Variants in DNAH12 observed in about 807,000 individuals in gnomAD.
DNAH12 encodes axonemal beta dynein heavy chain 12.
In DNAH12, 285 loss-of-function variants were observed where a neutral mutation model predicts 371.5. That is an observed-to-expected ratio of 0.77 (90% CI 0.70 to 0.85). The LOEUF is 0.85. DNAH12 is among the 40% of genes least tolerant of loss of function. DNAH12 has a pLI of 0.00. For missense variants in DNAH12, 3,611 were observed against 3,689.4 expected (o/e 0.98, Z 0.55); for synonymous variants, 1,200 against 1,213.0 (o/e 0.99, Z 0.22).
At position 57,296,128 on chromosome 3, in the gene DNAH12, T is replaced by TCTA. The variant is rs1344448327; in HGVS notation, c.11624+213_11624+215dup. Among the ~76,000 whole-genome samples the TCTA allele has an allele frequency of 1.1e-4, 17 of 152,314 alleles. No homozygotes were observed. The East Asian group carries it at 3.3e-3, about 29-fold the overall frequency. On this transcript the variant is annotated intron_variant, in intron 72 of 73. Transcript: ENST00000495027. The stretch of plus-strand genomic sequence containing the variant: ...CAGGAAAATAATTTCAGCTAACTTT[T>TCTA]CTACTAATAAGACTACTGAAATATT...
Position 57,381,771 on chromosome 3 carries a change from A to G in DNAH12, c.7992+491T>C, listed in dbSNP as rs1290542432. Among the ~76,000 whole-genome samples, 6 of 152,300 alleles carry G rather than the reference A, an allele frequency of 3.9e-5. No homozygotes were observed. The East Asian group carries it at 1.2e-3, about 29-fold the overall frequency. ...AATACCCAGAAAGGATCTTAGCTGGAAAAGTACAGGCACCTCAGTGTTCAT... is the reference window on the plus strand; with the variant it reads ...AATACCCAGAAAGGATCTTAGCTGGGAAAGTACAGGCACCTCAGTGTTCAT... On this transcript the variant is annotated intron_variant, in intron 50 of 73. Transcript: ENST00000495027.
chr3:57,366,014 A>T (rs1415080079), intron 57 of DNAH12, among the ~76,000 whole-genome samples: 5 of 152,230 alleles, frequency 3.3e-5, no homozygotes, highest in East Asian at 1.9e-4. Context: ...GGGTGGGTAA[A>T]ATGTGATTAA....
At chr3:57,297,948 A>C (rs990815784) in intron 70 of DNAH12, among the ~76,000 whole-genome samples, 3 of 152,178 alleles carry the variant, frequency 2.0e-5, no homozygotes, top group Non-Finnish European at 2.9e-5. Flanking sequence ...ACAAACAAAC[A>C]AACCAAAAAC....
intron 17 of DNAH12, among the ~76,000 whole-genome samples, chr3:57,467,300 A>ACAAAATTAT (rs2066232318): frequency 6.6e-6 from 1 of 151,958 alleles, no homozygotes; most frequent in African/African-American, 2.4e-5. Context: ...TTGTATTTTT[A>ACAAAATTAT]GTAGAGAGGA....
At chr3:57,426,000 G>A (rs536729932) in intron 34 of DNAH12, among the ~76,000 whole-genome samples, 1 of 152,166 alleles carries the variant, frequency 6.6e-6, no homozygotes, top group Non-Finnish European at 1.5e-5. Context: ...AGTGCACAAG[G>A]AGGAAAACGG....
chr3:57,445,294 A>T lies in DNAH12; in HGVS notation c.4305T>A (p.Leu1435=). Residue 1435 remains leucine, a synonymous_variant, in exon 28 of 74, where the codon CTT becomes CTA. Transcript: ENST00000495027. Reference sequence around the variant, plus strand: ...ATTGCGATGAGAGCTGCTCTGAGCAAAGCCTATAGGTCATTACTATTTTCA... The same window carrying T: ...ATTGCGATGAGAGCTGCTCTGAGCATAGCCTATAGGTCATTACTATTTTCA... The part of the protein sequence containing the change: ...LSVKIVMTYR[L]CSEQLSSQFH... The T allele has an allele frequency of 6.4e-7, 1 of 1,551,664 alleles. No individual in the cohort carries two copies. Among genetic ancestry groups the T allele is most frequent in the Non-Finnish European group, 8.7e-7 (1 of 1,146,970 alleles).
intron 25 of DNAH12, among the ~76,000 whole-genome samples, chr3:57,449,695 C>T (rs563748598): frequency 1.6e-4 from 24 of 152,314 alleles, no homozygotes; most frequent in Middle Eastern, 3.4e-3. Flanking sequence ...CCGCAAGCGC[C>T]GCACGCAGCC....
chr3:57,315,237 T>A (rs1283129475), intron 65 of DNAH12, among the ~76,000 whole-genome samples: 1 of 152,114 alleles, frequency 6.6e-6, no homozygotes, highest in South Asian at 2.1e-4. Flanking sequence ...ATACACAGCA[T>A]GTATTTTAAT....
At chr3:57,351,924 C>T (rs1397462028) in intron 60 of DNAH12, among the ~76,000 whole-genome samples, 161 bp downstream of exon 60, 11 of 152,036 alleles carry the variant, frequency 7.2e-5, no homozygotes, top group South Asian at 2.1e-4. Context: ...AAATAAACAC[C>T]GATACTATCG....
intron 2 of DNAH12, among the ~76,000 whole-genome samples, chr3:57,533,926 G>A (rs1002513421): frequency 6.6e-6 from 1 of 152,170 alleles, no homozygotes; most frequent in African/African-American, 2.4e-5. Flanking sequence ...TCAGCACTAG[G>A]ACTTACCTAG....
intron 32 of DNAH12, 94 bp from the exon 33 acceptor site, chr3:57,429,868 G>T (rs2064903581): frequency 2.0e-6 from 2 of 1,010,880 alleles, no homozygotes; most frequent in Non-Finnish European, 2.8e-6. Context: ...TAGCTCCTGT[G>T]ATATAATGGA....
chr3:57,308,374 A>G (rs1471018155), intron 69 of DNAH12, among the ~76,000 whole-genome samples: 1 of 152,160 alleles, frequency 6.6e-6, no homozygotes, highest in African/African-American at 2.4e-5. Context: ...CACCTCGCCA[A>G]GCTCAGCCAC....
At chr3:57,312,792 G>A (rs1215036219) in intron 66 of DNAH12, among the ~76,000 whole-genome samples, 1 of 152,132 alleles carries the variant, frequency 6.6e-6, no homozygotes, top group Non-Finnish European at 1.5e-5. Context: ...CAATTCCATA[G>A]GCACCAATCT....
chr3:57,446,352 C>A, intron 26 of DNAH12, 82 bp from the exon 27 acceptor site: 1 of 1,464,066 alleles, frequency 6.8e-7, no homozygotes, highest in Non-Finnish European at 9.1e-7. Context: ...TATTTTAAGT[C>A]AGAATTGAAA....
At chr3:57,324,238 G>A (rs922677090) in intron 62 of DNAH12, among the ~76,000 whole-genome samples, 14 of 152,128 alleles carry the variant, frequency 9.2e-5, no homozygotes, top group African/African-American at 3.1e-4. Context: ...TTAGGAGAGA[G>A]AGAAATTAAC....
In DNAH12 at chr3:57,457,924, T is replaced by G; in HGVS notation, c.3133A>C (p.Lys1045Gln). The G allele has an allele frequency of 6.4e-7, 1 of 1,551,696 alleles. No homozygotes were observed. Among genetic ancestry groups the G allele is most frequent in the Non-Finnish European group, 8.7e-7 (1 of 1,146,986 alleles). ...TTAGCAATGCCCTCAAAGCATTTTT[T>G]TAAATGTGGCTGAACTCTAAGTGGA... The part of the protein sequence containing the change: ...KDPLRVQPHL[K>Q]KCFEGIAKLE... Residue 1045 changes from lysine (K) to glutamine (Q), a missense_variant, in exon 22 of 74, where the codon AAA (lysine) becomes CAA (glutamine). Physicochemically the swap from Lys to Gln is moderately conservative, Grantham distance 53. Around this residue, in one of 3 missense-constraint regions of DNAH12, gnomAD observed 1,314 missense variants for 1,398.7 expected, o/e 0.94. Coordinates refer to ENST00000495027, the MANE Select transcript of DNAH12 (RefSeq NM_001366028.2).
intron 9 of DNAH12, 93 bp downstream of exon 9, chr3:57,503,923 G>A: frequency 1.0e-6 from 1 of 995,730 alleles, no homozygotes; most frequent in East Asian, 2.7e-5. Context: ...GAAAATAACA[G>A]AAAGAGTCAT....
intron 2 of DNAH12, among the ~76,000 whole-genome samples, chr3:57,541,157 C>A (rs894024285): frequency 1.3e-5 from 2 of 151,410 alleles, no homozygotes; most frequent in Non-Finnish European, 2.9e-5. Flanking sequence ...CTCCTGCCTC[C>A]GCCTCCTGAG....
intron 49 of DNAH12, among the ~76,000 whole-genome samples, chr3:57,383,581 C>G (rs1018680034): frequency 6.9e-6 from 1 of 145,466 alleles, no homozygotes. Flanking sequence ...ATAAGTGACT[C>G]TTAAATGTGC....
Sources: gnomAD v4.1 joint callset for allele counts (sites outside exome capture counted in the v4.1 genomes callset) on GRCh38, gnomAD v4.1.1 for gene constraint, gnomAD v4.1.1 regional missense constraint, MANE v1.5 for transcripts, NCBI Gene and HGNC (gene_info 2026-07-23, HGNC 2026-07-21) for gene names.